CYP2J2: variants seen among roughly 807,000 people sequenced by gnomAD.
CYP2J2 encodes the protein cytochrome P450 family 2 subfamily J member 2, also known as cytochrome P450 2J2.
CYP2J2 carries 41 observed loss-of-function variants against 48.8 expected under a neutral mutation model. The ratio of observed to expected loss-of-function variants is 0.84; its 90% CI spans 0.66 to 1.09. The LOEUF is 1.09. Ranked by LOEUF, CYP2J2 falls within the 50% of genes least tolerant of loss-of-function variation. The pLI is 0.00. For synonymous variants in CYP2J2, 221 were observed against 227.1 expected (o/e 0.97, Z 0.24); for missense variants, 644 against 617.3 (o/e 1.04, Z -0.46).
upstream of CYP2J2, among the ~76,000 whole-genome samples, chr1:59,929,149 A>G (rs140541025): frequency 6.8e-4 from 104 of 152,318 alleles, 1 homozygote; most frequent in Non-Finnish European, 1.3e-3. Context: ...TTGTATTGTG[A>G]CTGTGTGTAC....
chr1:59,897,587 A>C (rs748703624), intron 8 of CYP2J2, among the ~76,000 whole-genome samples: 2 of 152,208 alleles, frequency 1.3e-5, no homozygotes, highest in Non-Finnish European at 2.9e-5. Context: ...CAGTTACCTC[A>C]GTAGTAAAAT....
Position 59,926,563 on chromosome 1 carries a change from C to T in CYP2J2, c.184G>A (p.Glu62Lys), listed in dbSNP as rs563723716. Reference protein sequence around the residue: ...FLGNFFLVDFEQSHLEVQLFV... With the variant: ...FLGNFFLVDFKQSHLEVQLFV... ...AGCTGAACCTCCAGGTGCGACTGCT[C>T]GAAGTCCACAAGGAAGAAGTTGCCA... is the stretch of plus-strand genomic sequence containing the variant. The change falls in exon 1 of 9, where the codon GAG (glutamate) becomes AAG (lysine). Residue 62 changes from glutamate (E) to lysine (K), a missense_variant. Glu to Lys is a moderately conservative substitution (Grantham distance 56). Transcript: ENST00000371204. The T allele has an allele frequency of 7.4e-6, 12 of 1,614,130 alleles. No homozygotes were observed. The highest frequency in any genetic ancestry group is 1.7e-5 in the Admixed American group (1 of 60,020).
chr1:59,904,909 T>A lies in CYP2J2; in HGVS notation c.1153A>T (p.Thr385Ser), dbSNP rs1369714646. Reference protein sequence around the residue: ...IIPLNVPREVTVDTTLAGYHL... With the variant: ...IIPLNVPREVSVDTTLAGYHL... ...TACCCAGCCAAAGTGGTATCAACTG[T>A]CACTTCCCTGGGAACGTTCAGGGGG... Residue 385 changes from threonine (T) to serine (S), a missense_variant, in exon 7 of 9, where the codon ACA becomes TCA. Thr to Ser is a moderately conservative substitution (Grantham distance 58). Transcript: ENST00000371204. 2 of 1,613,776 alleles carry A rather than the reference T, an allele frequency of 1.2e-6. No homozygotes were observed. Among genetic ancestry groups the A allele is most frequent in the Admixed American group, 3.3e-5 (2 of 59,968 alleles).
At chr1:59,949,022 A>G in the CYP2J2 span, among the ~76,000 whole-genome samples, 7,610 of 152,132 alleles carry the variant, frequency 0.05, 456 homozygotes, top group African/African-American at 0.14. Flanking sequence ...AGCTTGGGCA[A>G]CATAGTGAGA....
rs771052648 is a variant in CYP2J2, at chr1:59,901,146, A to G, written c.1192-43T>C. 7 of 1,600,880 alleles carry G rather than the reference A, an allele frequency of 4.4e-6. No homozygotes were observed. The Admixed American group carries it at 1.2e-4, about 27-fold the overall frequency. On this transcript the variant is annotated intron_variant, in intron 7 of 8. Coordinates refer to ENST00000371204, the MANE Select transcript of CYP2J2 (RefSeq NM_000775.4). ...GACTCAGGCAAGGCTTGACCCATGA[A>G]AAAGCACACCTATGCAGAGGGGTGG...
chr1:59,898,100 AC>A (rs1312207908), intron 8 of CYP2J2, among the ~76,000 whole-genome samples: 2 of 152,226 alleles, frequency 1.3e-5, no homozygotes, highest in African/African-American at 4.8e-5. Flanking sequence ...GATGGTAAGA[AC>A]AAAGCAGCCT....
At chr1:59,913,967 C>T (rs1234982750) in intron 2 of CYP2J2, among the ~76,000 whole-genome samples, 1 of 152,194 alleles carries the variant, frequency 6.6e-6, no homozygotes, top group East Asian at 1.9e-4. Context: ...TTTTAATCCC[C>T]ATGCTTGTCA....
the CYP2J2 span, among the ~76,000 whole-genome samples, chr1:59,955,254 ATATATATAT>A: frequency 6.1e-5 from 1 of 16,512 alleles, no homozygotes; most frequent in Admixed American, 9.2e-4. Flanking sequence ...ATATATATCC[ATATATATAT>A]CCATATATAT....
At chr1:59,943,578 A>G in the CYP2J2 span, among the ~76,000 whole-genome samples, 1 of 152,184 alleles carries the variant, frequency 6.6e-6, no homozygotes, top group Admixed American at 6.5e-5. Flanking sequence ...GGAAACAGTC[A>G]ATTTTAGCAA....
chr1:59,965,012 G>A, the CYP2J2 span, among the ~76,000 whole-genome samples: 1 of 152,178 alleles, frequency 6.6e-6, no homozygotes, highest in South Asian at 2.1e-4. Context: ...GTCAGACTGA[G>A]GATATATCCT....
chr1:59,952,782 A>T, the CYP2J2 span, among the ~76,000 whole-genome samples: 1 of 152,202 alleles, frequency 6.6e-6, no homozygotes, highest in South Asian at 2.1e-4. Context: ...GTGCACCAGG[A>T]CACACCCAAT....
chr1:59,966,418 T>G, the CYP2J2 span, among the ~76,000 whole-genome samples: 2 of 152,218 alleles, frequency 1.3e-5, no homozygotes, highest in Admixed American at 6.5e-5. Context: ...ATGTAGATAT[T>G]TCTTCTTCCT....
chr1:59,907,970 A>T (rs376695776), intron 5 of CYP2J2, 43 bp from the exon 6 acceptor site: 1 of 1,598,338 alleles, frequency 6.3e-7, no homozygotes, highest in African/African-American at 1.3e-5. Context: ...GTTTATTCAG[A>T]GGATTCCTGA....
At chr1:59,951,772 C>A in the CYP2J2 span, among the ~76,000 whole-genome samples, 3 of 152,184 alleles carry the variant, frequency 2.0e-5, no homozygotes, top group African/African-American at 7.2e-5. Flanking sequence ...TCTCTCCCGA[C>A]CTTGCTCTTT....
the CYP2J2 span, among the ~76,000 whole-genome samples, chr1:59,949,193 A>G: frequency 6.6e-6 from 1 of 152,148 alleles, no homozygotes; most frequent in African/African-American, 2.4e-5. Context: ...TGCACAACTT[A>G]TGGGTCCATA....
At chr1:59,920,827 A>C (rs1644505765) in intron 1 of CYP2J2, among the ~76,000 whole-genome samples, 1 of 152,168 alleles carries the variant, frequency 6.6e-6, no homozygotes, top group South Asian at 2.1e-4. Context: ...CTTAGTTTCC[A>C]AATTTTATAG....
chr1:59,968,607 T>C, the CYP2J2 span, among the ~76,000 whole-genome samples: 1 of 152,174 alleles, frequency 6.6e-6, no homozygotes, highest in East Asian at 1.9e-4. Context: ...TTAATCACCA[T>C]TGGCTGCAGA....
chr1:59,960,594 T>C, the CYP2J2 span, among the ~76,000 whole-genome samples: 1 of 152,098 alleles, frequency 6.6e-6, no homozygotes, highest in African/African-American at 2.4e-5. Context: ...CAATCAAGAA[T>C]AAAGGATTTA....
chr1:59,900,998 T>C lies in CYP2J2; in HGVS notation c.1297A>G (p.Lys433Glu), dbSNP rs1169105355. 14 of 1,614,080 alleles carry C rather than the reference T, an allele frequency of 8.7e-6. No individual in the cohort carries two copies. Among genetic ancestry groups the C allele is most frequent in the African/African-American group, 1.3e-5 (1 of 74,930 alleles). Reference sequence around the variant, plus strand: ...AAAGGCATAAAGGCTTCCCTTTTCTTAAACTGTCCATTCTCCAGAAAATGG... The same window carrying C: ...AAAGGCATAAAGGCTTCCCTTTTCTCAAACTGTCCATTCTCCAGAAAATGG... ...PDHFLENGQFKKREAFMPFSI... is the reference protein window; with the variant it reads ...PDHFLENGQFEKREAFMPFSI... Residue 433 changes from lysine (K) to glutamate (E), a missense_variant, in exon 8 of 9, where the codon AAG (lysine) becomes GAG (glutamate). Coordinates refer to ENST00000371204, the MANE Select transcript of CYP2J2 (RefSeq NM_000775.4).
Sources: gnomAD v4.1 joint callset for allele counts (sites outside exome capture counted in the v4.1 genomes callset) on GRCh38, gnomAD v4.1.1 for gene constraint, MANE v1.5 for transcripts, NCBI Gene and HGNC (gene_info 2026-07-23, HGNC 2026-07-21) for gene names.